GINS1: variants seen among roughly 807,000 people sequenced by gnomAD.
GINS1 encodes the protein DNA replication complex GINS protein PSF1.
Under a neutral mutation model 34.9 loss-of-function variants are expected in GINS1, and 26 were observed. The observed-to-expected ratio is 0.74, with a 90% CI of 0.55 to 1.03. GINS1 has a LOEUF of 1.03. Ranked by LOEUF, GINS1 falls within the 50% of genes least tolerant of loss-of-function variation. GINS1 has a pLI of 0.00. For synonymous variants in GINS1, 97 were observed against 84.4 expected, an observed-to-expected ratio of 1.15 and a Z score of -0.82; for missense variants, 235 against 237.9, an observed-to-expected ratio of 0.99 and a Z score of 0.08.
At chr20:25,442,527 A>G (rs1264494186) in intron 6 of GINS1, among the ~76,000 whole-genome samples, 2 of 151,882 alleles carry the variant, frequency 1.3e-5, no homozygotes, top group African/African-American at 4.8e-5. Context: ...AAGTAATCTC[A>G]GTATATTAAT....
intron 5 of GINS1, among the ~76,000 whole-genome samples, chr20:25,440,062 C>G (rs1053747336): frequency 2.6e-5 from 4 of 151,998 alleles, no homozygotes; most frequent in African/African-American, 9.7e-5. Flanking sequence ...GAGACGGAGT[C>G]TCATTCTGTC....
At position 25,446,103 on chromosome 20, in the gene GINS1, T is replaced by C; in HGVS notation, c.*112T>C. The C allele has an allele frequency of 1.7e-6, 1 of 571,978 alleles. No homozygotes were observed. Among genetic ancestry groups the C allele is most frequent in the Non-Finnish European group, 3.1e-6 (1 of 320,160 alleles). The allele number at this position is 571,978 out of a possible 1,614,324, so 35.4% of individuals were successfully genotyped here. A position where few individuals can be genotyped will look rare whatever the true frequency, so the allele number is the denominator to read the frequency against. Reference sequence around the variant, plus strand: ...TGATTTTAGAAGCTATAGACATTGTTTAAGATAACTAAGAATACTTGGCTA... The same window carrying C: ...TGATTTTAGAAGCTATAGACATTGTCTAAGATAACTAAGAATACTTGGCTA... On this transcript the variant is annotated 3_prime_UTR_variant, in exon 7 of 7. Coordinates refer to ENST00000262460, the MANE Select transcript of GINS1 (RefSeq NM_021067.5).
chr20:25,426,551 G>T (rs988432655), intron 5 of GINS1, among the ~76,000 whole-genome samples: 1 of 151,438 alleles, frequency 6.6e-6, no homozygotes, highest in Non-Finnish European at 1.5e-5. Flanking sequence ...TTGAGATGGA[G>T]TTTCACTCTT....
At chr20:25,420,047 T>C (rs565814106) in intron 4 of GINS1, among the ~76,000 whole-genome samples, 1 of 152,326 alleles carries the variant, frequency 6.6e-6, no homozygotes, top group Non-Finnish European at 1.5e-5. Context: ...GCATTGTTTC[T>C]GTAAGGGTGG....
At chr20:25,444,820 T>C (rs1187514698) in intron 6 of GINS1, among the ~76,000 whole-genome samples, 2 of 152,210 alleles carry the variant, frequency 1.3e-5, no homozygotes, top group African/African-American at 4.8e-5. Context: ...TACCGGCATC[T>C]TCCCATGTAC....
At chr20:25,420,890 A>G in intron 4 of GINS1, 1 of 977,934 alleles carries the variant, frequency 1.0e-6, no homozygotes, top group Non-Finnish European at 1.2e-6. Context: ...AGATTAATAC[A>G]GATAAACTCT....
intron 4 of GINS1, 44 bp from the exon 5 acceptor site, chr20:25,425,167 A>G (rs2090383556): frequency 2.4e-6 from 2 of 838,706 alleles, no homozygotes; most frequent in African/African-American, 1.7e-5. Flanking sequence ...AGTGTGTGCA[A>G]GTTTTCTTAG....
intron 4 of GINS1, among the ~76,000 whole-genome samples, chr20:25,421,853 A>C (rs1024637235): frequency 2.0e-5 from 3 of 151,612 alleles, no homozygotes; most frequent in Non-Finnish European, 4.4e-5. Context: ...GGTCTGTTAC[A>C]CTCTTCTCAG....
chr20:25,428,591 A>T (rs368492478), intron 5 of GINS1, among the ~76,000 whole-genome samples: 65 of 151,316 alleles, frequency 4.3e-4, no homozygotes, highest in African/African-American at 1.5e-3. Context: ...TTTTTAGTAG[A>T]GACGGGGTTT....
At chr20:25,411,941 C>T (rs1449374030) in intron 1 of GINS1, among the ~76,000 whole-genome samples, 2 of 135,990 alleles carry the variant, frequency 1.5e-5, no homozygotes, top group African/African-American at 5.4e-5. Context: ...AAAACTCCGT[C>T]TCAAAAAAAA....
At chr20:25,433,482 A>ACAATATACT (rs1202282636) in intron 5 of GINS1, among the ~76,000 whole-genome samples, 1 of 152,166 alleles carries the variant, frequency 6.6e-6, no homozygotes, top group Non-Finnish European at 1.5e-5. Context: ...ACAATACCTT[A>ACAATATACT]TACAATATAA....
At position 25,423,452 on chromosome 20, in the gene GINS1, C is replaced by CTTT. The variant is rs1159340467; in HGVS notation, c.331-1727_331-1725dup. Among the ~76,000 whole-genome samples the CTTT allele has an allele frequency of 7.5e-3, 224 of 29,988 alleles. 40 individuals carry two copies. The highest frequency in any genetic ancestry group is 9.6e-3 in the Non-Finnish European group (167 of 17,344). The allele number at this position is 29,988 out of a possible 152,430, so 19.7% of individuals were successfully genotyped here. A position where few individuals can be genotyped will look rare whatever the true frequency, so the allele number is the denominator to read the frequency against. On this transcript the variant is annotated intron_variant, in intron 4 of 6. Coordinates refer to ENST00000262460, the MANE Select transcript of GINS1 (RefSeq NM_021067.5). ...AAGGTTATTAAGATATTTTTCTTTT[C>CTTT]TTTTTTTTTTTTTTTTTTTTTTTTT... is the stretch of plus-strand genomic sequence containing the variant.
chr20:25,431,597 A>T (rs1203812244), intron 5 of GINS1, among the ~76,000 whole-genome samples: 2 of 129,796 alleles, frequency 1.5e-5, no homozygotes, highest in Admixed American at 8.5e-5. Context: ...TTGAGACAGG[A>T]TCTCACTCTG....
At chr20:25,438,976 T>G (rs564137696) in intron 5 of GINS1, among the ~76,000 whole-genome samples, 1 of 152,292 alleles carries the variant, frequency 6.6e-6, no homozygotes, top group African/African-American at 2.4e-5. Flanking sequence ...AATAAAAGCA[T>G]CCATTGTCTT....
At chr20:25,435,771 A>G (rs1238307784) in intron 5 of GINS1, among the ~76,000 whole-genome samples, 1 of 121,340 alleles carries the variant, frequency 8.2e-6, no homozygotes, top group Admixed American at 8.0e-5. Flanking sequence ...TCTCAAAAAA[A>G]AAAAAAAAAA....
chr20:25,428,638 T>C (rs2090407068), intron 5 of GINS1, among the ~76,000 whole-genome samples: 1 of 150,758 alleles, frequency 6.6e-6, no homozygotes, highest in Admixed American at 6.6e-5. Context: ...TCTCCTAACC[T>C]TGTGATCCGC....
intron 5 of GINS1, among the ~76,000 whole-genome samples, chr20:25,427,314 C>T (rs2063401867): frequency 1.3e-5 from 2 of 152,162 alleles, no homozygotes; most frequent in South Asian, 4.1e-4. Flanking sequence ...TCTCCTGCCT[C>T]AGCCTCCCAA....
At chr20:25,445,608 A>G (rs1406775655) in intron 6 of GINS1, among the ~76,000 whole-genome samples, 1 of 152,008 alleles carries the variant, frequency 6.6e-6, no homozygotes, top group Non-Finnish European at 1.5e-5. Flanking sequence ...CGGCCTCCCA[A>G]AGTGCTGGGA....
At chr20:25,427,862 G>T (rs2090400725) in intron 5 of GINS1, among the ~76,000 whole-genome samples, 1 of 130,130 alleles carries the variant, frequency 7.7e-6, no homozygotes, top group African/African-American at 2.9e-5. Context: ...ATGCAGCCCA[G>T]TTCGTCATTT....
Sources: gnomAD v4.1 joint callset for allele counts (sites outside exome capture counted in the v4.1 genomes callset) on GRCh38, gnomAD v4.1.1 for gene constraint, MANE v1.5 for transcripts, NCBI Gene and HGNC (gene_info 2026-07-23, HGNC 2026-07-21) for gene names.